Variants in AGAP4 observed in about 807,000 individuals in gnomAD.
AGAP4 encodes the protein arf-GAP with GTPase, ANK repeat and PH domain-containing protein 4.
A neutral mutation model predicts 60.7 loss-of-function variants in AGAP4; 13 were observed. That is an observed-to-expected ratio of 0.21 (90% CI 0.14 to 0.34). The LOEUF (loss-of-function observed/expected upper bound fraction) is 0.34, where lower values mean the gene tolerates loss of function less well. AGAP4 is among the 10% of genes least tolerant of loss of function. The probability of loss-of-function intolerance (pLI) is 1.00; values close to 1 mark genes in which losing one functional copy is unlikely to be tolerated. For synonymous variants in AGAP4, 70 were observed against 339.0 expected, an observed-to-expected ratio of 0.21 and a Z score of 8.72; for missense variants, 169 against 884.0, an observed-to-expected ratio of 0.19 and a Z score of 10.26.
At chr10:45,853,882 G>A, upstream of AGAP4, 1 of 1,219,352 alleles carries the variant, frequency 8.2e-7, no homozygotes, top group Non-Finnish European at 1.0e-6. Context: ...TATCAGTTCA[G>A]TTCAGGTCTC....
In AGAP4 at chr10:45,847,374, C is replaced by CTG; in HGVS notation, c.-29_-28dup. ...GGGCGCCTCTACTGTCTGCCACCAC[C>CTG]TGTGCCTCTGCTCACAGCTTTGGCC... On this transcript the variant is annotated 5_prime_UTR_variant, in exon 1 of 8. Transcript: ENST00000616763. 5 of 1,580,060 alleles carry CTG rather than the reference C, an allele frequency of 3.2e-6. No homozygotes were observed. The highest frequency in any genetic ancestry group is 4.3e-6 in the Non-Finnish European group (5 of 1,170,512).
chr10:45,849,349 A>G (rs1284793404), upstream of AGAP4, among the ~76,000 whole-genome samples: 1 of 151,752 alleles, frequency 6.6e-6, no homozygotes, highest in African/African-American at 2.4e-5. Flanking sequence ...CCCTCGACAC[A>G]TCAGGATTAT....
upstream of AGAP4, among the ~76,000 whole-genome samples, chr10:45,849,473 G>GATTATTATTATT (rs782154006): frequency 1.7e-4 from 25 of 145,060 alleles, no homozygotes; most frequent in South Asian, 2.0e-3. Flanking sequence ...TGATGATGAT[G>GATTATTATTATT]ATTATTATTA....
chr10:45,847,522 G>A, upstream of AGAP4: 5 of 1,505,510 alleles, frequency 3.3e-6, no homozygotes, highest in South Asian at 1.2e-5. Flanking sequence ...CCTGGCCCCG[G>A]CCCCGGCTAG....
At chr10:45,852,663 A>C (rs2059099413) in intron 1 of AGAP4, among the ~76,000 whole-genome samples, 1 of 151,706 alleles carries the variant, frequency 6.6e-6, no homozygotes, top group East Asian at 1.9e-4. Flanking sequence ...AAATTTAAGT[A>C]ATGTTTGAGG....
chr10:45,842,400 CCTAG>C (rs1429072962), intron 3 of AGAP4, among the ~76,000 whole-genome samples: 1 of 150,292 alleles, frequency 6.7e-6, no homozygotes, highest in Non-Finnish European at 1.5e-5. Context: ...TGCCACCATG[CCTAG>C]CTAATTGTTT....
intron 3 of AGAP4, among the ~76,000 whole-genome samples, chr10:45,843,006 T>A (rs1194236049): frequency 8.0e-5 from 7 of 87,546 alleles, no homozygotes. Context: ...TTTAAAAGAC[T>A]GTGGTACTGG....
At chr10:45,831,921 G>A (rs1220302889) in intron 5 of AGAP4, among the ~76,000 whole-genome samples, 5 of 148,164 alleles carry the variant, frequency 3.4e-5, no homozygotes, top group African/African-American at 1.2e-4. Context: ...TTTTTGGGGG[G>A]TGGGGTGGAT....
In AGAP4 at chr10:45,826,854, G is replaced by A; in HGVS notation, c.1122C>T (p.Ser374=). The A allele has an allele frequency of 7.7e-7, 1 of 1,300,130 alleles. No individual in the cohort carries two copies. Among genetic ancestry groups the A allele is most frequent in the Non-Finnish European group, 1.1e-6 (1 of 936,646 alleles). 80.5% of individuals were successfully genotyped at this position (1,300,130 alleles called of 1,614,324 possible). A position where few individuals can be genotyped will look rare whatever the true frequency, so the allele number is the denominator to read the frequency against. ...TGGAGATACTGGGGCTGAAGCATATGGAGTCACCCAGCCCGGTGTCCATGT... is the reference window on the plus strand; with the variant it reads ...TGGAGATACTGGGGCTGAAGCATATAGAGTCACCCAGCCCGGTGTCCATGT... ...SKDMDTGLGD[S]ICFSPSISST... is the part of the protein sequence containing the mutation. Residue 374 remains serine (S), a synonymous_variant, in exon 8 of 8, where the codon TCC becomes TCT. Transcript: ENST00000616763.
At chr10:45,836,096 G>A (rs2135940203) in intron 4 of AGAP4, among the ~76,000 whole-genome samples, 1 of 146,354 alleles carries the variant, frequency 6.8e-6, no homozygotes, top group South Asian at 2.2e-4. Flanking sequence ...GTACCCATTG[G>A]ATGCGGATGC....
At chr10:45,851,185 G>C (rs1187981405), upstream of AGAP4, among the ~76,000 whole-genome samples, 1 of 152,028 alleles carries the variant, frequency 6.6e-6, no homozygotes, top group Non-Finnish European at 1.5e-5. Context: ...CTGAGAAGCT[G>C]TGTATAGTAA....
At chr10:45,828,333 GCCATGGCAATAAAC>G (rs2058678426) in intron 6 of AGAP4, among the ~76,000 whole-genome samples, 1 of 149,280 alleles carries the variant, frequency 6.7e-6, no homozygotes, top group African/African-American at 2.4e-5. Flanking sequence ...TCCCTAACAG[GCCATGGCAATAAAC>G]CAAACATATT....
At chr10:45,851,323 T>G (rs2059081329), upstream of AGAP4, among the ~76,000 whole-genome samples, 1 of 151,974 alleles carries the variant, frequency 6.6e-6, no homozygotes, top group African/African-American at 2.4e-5. Flanking sequence ...TCCTGTGAGT[T>G]GTTAGAAAGG....
At chr10:45,836,230 T>C (rs2058815680) in intron 4 of AGAP4, among the ~76,000 whole-genome samples, 1 of 151,370 alleles carries the variant, frequency 6.6e-6, no homozygotes, top group Non-Finnish European at 1.5e-5. Flanking sequence ...AGTATTTTAT[T>C]TTAGTTTAGT....
At chr10:45,830,158 A>C (rs1383541851) in intron 6 of AGAP4, among the ~76,000 whole-genome samples, 63 of 149,418 alleles carry the variant, frequency 4.2e-4, no homozygotes, top group Non-Finnish European at 6.3e-4. Context: ...GCATGAGGTT[A>C]GGTCATCTTA....
upstream of AGAP4, among the ~76,000 whole-genome samples, chr10:45,851,379 G>A (rs1305968754): frequency 6.6e-6 from 1 of 152,012 alleles, no homozygotes; most frequent in Non-Finnish European, 1.5e-5. Flanking sequence ...ACCTAGCACA[G>A]TGCCTGTTCA....
At chr10:45,844,300 T>C in intron 3 of AGAP4, 26 bp downstream of exon 3, 1 of 1,594,186 alleles carries the variant, frequency 6.3e-7, no homozygotes, top group African/African-American at 1.4e-5. Context: ...TTCTTTCTCT[T>C]GGTGGAAAAA....
At chr10:45,841,772 C>T (rs1256633713) in intron 3 of AGAP4, 85 bp from the exon 4 acceptor site, 2 of 1,038,954 alleles carry the variant, frequency 1.9e-6, no homozygotes, top group South Asian at 1.8e-5. Flanking sequence ...CTGATTACTC[C>T]TATGAAAAAT....
upstream of AGAP4, among the ~76,000 whole-genome samples, chr10:45,849,818 T>C (rs2059060768): frequency 6.6e-6 from 1 of 151,374 alleles, no homozygotes; most frequent in African/African-American, 2.4e-5. Context: ...TTTTGTATTT[T>C]TAGTAGAGAC....
Sources: gnomAD v4.1 joint callset for allele counts (sites outside exome capture counted in the v4.1 genomes callset) on GRCh38, gnomAD v4.1.1 for gene constraint, MANE v1.5 for transcripts, NCBI Gene and HGNC (gene_info 2026-07-23, HGNC 2026-07-21) for gene names.